The following NCKAP5 variants were observed in gnomAD, a reference collection of about 807,000 sequenced individuals.
The protein encoded by NCKAP5 is nck-associated protein 5.
A neutral mutation model predicts 167.0 loss-of-function variants in NCKAP5; 92 were observed. That is an observed-to-expected ratio of 0.55 (90% CI 0.47 to 0.66). The LOEUF is 0.66. Ranked by LOEUF, NCKAP5 falls within the 30% of genes least tolerant of loss-of-function variation. The probability of loss-of-function intolerance (pLI) is 0.00; values close to 1 mark genes in which losing one functional copy is unlikely to be tolerated. For missense variants in NCKAP5, 2,378 were observed against 2,315.0 expected (o/e 1.03, Z -0.56); for synonymous variants, 891 against 877.4 (o/e 1.02, Z -0.27).
chr2:133,482,232 CT>C (rs61127181), intron 3 of NCKAP5, among the ~76,000 whole-genome samples: 2 of 145,742 alleles, frequency 1.4e-5, no homozygotes, highest in Admixed American at 6.8e-5. Flanking sequence ...TTTTCTTTTT[CT>C]TTTTTTTTGA....
At chr2:133,209,888 C>A (rs2086128479) in intron 5 of NCKAP5, among the ~76,000 whole-genome samples, 1 of 152,064 alleles carries the variant, frequency 6.6e-6, no homozygotes, top group African/African-American at 2.4e-5. Flanking sequence ...GAAATCTCAG[C>A]CAGGTGTGGT....
chr2:132,861,781 T>C (rs748382862), intron 10 of NCKAP5, among the ~76,000 whole-genome samples: 1 of 152,224 alleles, frequency 6.6e-6, no homozygotes, highest in Non-Finnish European at 1.5e-5. Flanking sequence ...GGTTAGCATA[T>C]ATTACTCTGT....
intron 3 of NCKAP5, among the ~76,000 whole-genome samples, chr2:133,303,496 G>A (rs1296221341): frequency 1.3e-5 from 2 of 152,140 alleles, no homozygotes; most frequent in Non-Finnish European, 2.9e-5. Flanking sequence ...TGACAGTCAT[G>A]TTCCAGCAAA....
intron 19 of NCKAP5, among the ~76,000 whole-genome samples, chr2:132,684,832 G>A (rs920725990): frequency 3.9e-5 from 6 of 152,110 alleles, no homozygotes; most frequent in African/African-American, 7.2e-5. Context: ...AGAGGGAGAG[G>A]GCACTGCTTG....
chr2:133,671,290 T>A, the NCKAP5 span, among the ~76,000 whole-genome samples: 1 of 147,312 alleles, frequency 6.8e-6, no homozygotes, highest in East Asian at 2.0e-4. Context: ...GCAGAGGCAA[T>A]GTGATCCTGG....
At chr2:133,304,639 A>T (rs989796163) in intron 3 of NCKAP5, among the ~76,000 whole-genome samples, 7 of 152,238 alleles carry the variant, frequency 4.6e-5, no homozygotes, top group Non-Finnish European at 8.8e-5. Flanking sequence ...TTCAGCCAAG[A>T]AAAACTAAAT....
intron 6 of NCKAP5, among the ~76,000 whole-genome samples, chr2:133,039,922 G>A (rs1227224136): frequency 1.3e-5 from 2 of 152,144 alleles, no homozygotes; most frequent in Admixed American, 1.3e-4. Context: ...ATAAAGTGAA[G>A]CTGTTGATCA....
intron 8 of NCKAP5, among the ~76,000 whole-genome samples, chr2:132,919,358 A>C (rs1695129439): frequency 6.6e-6 from 1 of 152,142 alleles, no homozygotes; most frequent in Non-Finnish European, 1.5e-5. Flanking sequence ...GGAGGCGCAG[A>C]GGCCCTGGCA....
chr2:133,304,780 A>G (rs1261293199), intron 3 of NCKAP5, among the ~76,000 whole-genome samples: 1 of 152,242 alleles, frequency 6.6e-6, no homozygotes, highest in Non-Finnish European at 1.5e-5. Flanking sequence ...GTAATCATCA[A>G]GAGGGGGAAA....
intron 3 of NCKAP5, among the ~76,000 whole-genome samples, chr2:133,457,222 A>G (rs1366706938): frequency 1.3e-5 from 2 of 152,182 alleles, no homozygotes; most frequent in Non-Finnish European, 2.9e-5. Context: ...TAAGATTTCA[A>G]TGATCTTTAT....
chr2:133,364,059 T>TATC (rs1005003025), intron 3 of NCKAP5, among the ~76,000 whole-genome samples: 154 of 151,756 alleles, frequency 1.0e-3, no homozygotes, highest in African/African-American at 3.1e-3. Context: ...TAGGTGTTGG[T>TATC]ATCATCATCA....
intron 5 of NCKAP5, among the ~76,000 whole-genome samples, chr2:133,208,808 A>G (rs1160985479): frequency 6.6e-6 from 1 of 152,170 alleles, no homozygotes; most frequent in Non-Finnish European, 1.5e-5. Flanking sequence ...CTGTAATAAA[A>G]AGTGTTTATT....
At chr2:132,723,948 G>C (rs914678188) in intron 19 of NCKAP5, among the ~76,000 whole-genome samples, 4 of 152,136 alleles carry the variant, frequency 2.6e-5, no homozygotes, top group African/African-American at 9.7e-5. Context: ...CCTCAGAAAG[G>C]CATACAGGGT....
At chr2:133,342,146 A>T (rs984296311) in intron 3 of NCKAP5, among the ~76,000 whole-genome samples, 15 of 152,118 alleles carry the variant, frequency 9.9e-5, no homozygotes, top group African/African-American at 3.6e-4. Flanking sequence ...TCACCATGTT[A>T]GCCAGGATGG....
At chr2:133,408,917 C>T (rs1329714485) in intron 3 of NCKAP5, among the ~76,000 whole-genome samples, 1 of 152,158 alleles carries the variant, frequency 6.6e-6, no homozygotes, top group African/African-American at 2.4e-5. Flanking sequence ...GGAGTCAAGC[C>T]CAGCCACACA....
At chr2:133,460,725 T>C (rs1365821645) in intron 3 of NCKAP5, among the ~76,000 whole-genome samples, 1 of 152,092 alleles carries the variant, frequency 6.6e-6, no homozygotes, top group East Asian at 1.9e-4. Flanking sequence ...CTAAATCAAT[T>C]AGAGAGAGCT....
At chr2:133,072,258 G>T (rs577723409) in intron 6 of NCKAP5, among the ~76,000 whole-genome samples, 2 of 151,988 alleles carry the variant, frequency 1.3e-5, no homozygotes, top group African/African-American at 4.8e-5. Context: ...GCTAATTATT[G>T]TATTTTTAGT....
chr2:132,857,445 C>G (rs189121414), intron 11 of NCKAP5, among the ~76,000 whole-genome samples: 244 of 152,176 alleles, frequency 1.6e-3, no homozygotes, highest in African/African-American at 5.6e-3. Flanking sequence ...ACTGGTAAGA[C>G]AAATAAGTGT....
At chr2:133,145,102 G>A (rs574925209) in intron 5 of NCKAP5, among the ~76,000 whole-genome samples, 1 of 151,948 alleles carries the variant, frequency 6.6e-6, no homozygotes, top group Non-Finnish European at 1.5e-5. Flanking sequence ...TTTCTCAGAT[G>A]CTGAAATAAA....
Sources: gnomAD v4.1 joint callset for allele counts (sites outside exome capture counted in the v4.1 genomes callset) on GRCh38, gnomAD v4.1.1 for gene constraint, MANE v1.5 for transcripts, NCBI Gene and HGNC (gene_info 2026-07-23, HGNC 2026-07-21) for gene names.